The following POLK variants were observed in gnomAD, a reference collection of about 807,000 sequenced individuals.
POLK encodes the protein polymerase (DNA directed) kappa.
In POLK, 76 loss-of-function variants were observed where a neutral mutation model predicts 94.0. The observed-to-expected ratio is 0.81, with a 90% CI of 0.67 to 0.98. POLK has a LOEUF of 0.98. Ranked by LOEUF, POLK falls within the 50% of genes least tolerant of loss-of-function variation. The probability of loss-of-function intolerance (pLI) is 0.00; values close to 1 mark genes in which losing one functional copy is unlikely to be tolerated. For synonymous variants in POLK, 349 were observed against 325.4 expected, an observed-to-expected ratio of 1.07 and a Z score of -0.78; for missense variants, 954 against 1,010.1, an observed-to-expected ratio of 0.94 and a Z score of 0.75.
chr5:75,574,910 C>T (rs991764023), intron 5 of POLK, among the ~76,000 whole-genome samples: 2 of 152,162 alleles, frequency 1.3e-5, no homozygotes, highest in Non-Finnish European at 2.9e-5. Context: ...TTTAAAAATC[C>T]TACAAAAGTT....
At chr5:75,602,547 A>T (rs556225930), downstream of POLK, among the ~76,000 whole-genome samples, 1 of 152,304 alleles carries the variant, frequency 6.6e-6, no homozygotes, top group Admixed American at 6.5e-5. Context: ...AATTATTAGA[A>T]TTGTATTCAA....
chr5:75,557,956 T>A (rs1052274748), intron 3 of POLK, among the ~76,000 whole-genome samples: 5 of 152,098 alleles, frequency 3.3e-5, no homozygotes, highest in African/African-American at 1.2e-4. Context: ...GCCTGGCTAG[T>A]TTTTGTATTT....
chr5:75,589,434 C>CAT (rs1262784423), intron 10 of POLK, among the ~76,000 whole-genome samples: 105 of 143,642 alleles, frequency 7.3e-4, no homozygotes, highest in Middle Eastern at 3.5e-3. Flanking sequence ...CACACACACA[C>CAT]ACACGTGGAA....
intron 1 of POLK, among the ~76,000 whole-genome samples, chr5:75,546,697 G>T (rs1380108639): frequency 7.3e-6 from 1 of 137,836 alleles, no homozygotes; most frequent in African/African-American, 2.8e-5. Flanking sequence ...ACAAAGTCTC[G>T]CTCTGTCCCC....
intron 9 of POLK, among the ~76,000 whole-genome samples, chr5:75,586,720 C>A (rs1368923511): frequency 6.6e-6 from 1 of 152,038 alleles, no homozygotes; most frequent in Non-Finnish European, 1.5e-5. Context: ...GCTATCACTT[C>A]CTATTTGTTT....
chr5:75,536,798 G>A lies in POLK; in HGVS notation c.-13-10212G>A, dbSNP rs371915570. 7.2e-4 allele frequency among the ~76,000 whole-genome samples: 110 copies of A among 152,268 alleles called. 1 individual carries two copies. Among genetic ancestry groups the A allele is most frequent in the African/African-American group, 2.6e-3 (107 of 41,566 alleles). On this transcript the variant is annotated intron_variant, in intron 1 of 14. Coordinates refer to ENST00000241436, the Ensembl canonical transcript of POLK. ...GTGTTTACTGGGACAACAGGAAGCTGAGCCCTCCTGCTGAGTTCACACAGA... is the reference window on the plus strand; with the variant it reads ...GTGTTTACTGGGACAACAGGAAGCTAAGCCCTCCTGCTGAGTTCACACAGA...
intron 3 of POLK, among the ~76,000 whole-genome samples, chr5:75,565,568 C>T (rs563250004): frequency 2.6e-5 from 4 of 152,002 alleles, no homozygotes; most frequent in Admixed American, 6.6e-5. Flanking sequence ...GGCGTTTTTG[C>T]GTGGTTATCC....
chr5:75,581,585 C>T (rs1772196236), intron 7 of POLK, 137 bp downstream of exon 7: 1 of 726,982 alleles, frequency 1.4e-6, no homozygotes, highest in Non-Finnish European at 2.2e-6. Context: ...CTTCTAACAA[C>T]TTTACCTATT....
chr5:75,596,985 C>T (rs769716573), exon 13 of POLK: 2 of 1,613,778 alleles, frequency 1.2e-6, no homozygotes, highest in East Asian at 4.5e-5. Flanking sequence ...AAGAATACCG[C>T]CAGCCTTACT....
At chr5:75,582,201 T>C (rs1303398461) in intron 7 of POLK, 2 of 855,654 alleles carry the variant, frequency 2.3e-6, no homozygotes, top group Non-Finnish European at 2.8e-6. Flanking sequence ...AATTTACATA[T>C]GTTGATAACC....
chr5:75,563,494 G>A (rs1365603191), intron 3 of POLK, among the ~76,000 whole-genome samples: 16 of 152,108 alleles, frequency 1.1e-4, no homozygotes, highest in Admixed American at 8.5e-4. Flanking sequence ...ATGTTAGGGT[G>A]TTGATTTTAG....
chr5:75,538,629 T>A (rs1166295840), intron 1 of POLK: 1 of 152,214 alleles, frequency 6.6e-6, no homozygotes. Flanking sequence ...GGAAAACCTG[T>A]TAGACAAATT....
intron 1 of POLK, among the ~76,000 whole-genome samples, chr5:75,536,095 G>A (rs1395355527): frequency 6.6e-6 from 1 of 152,136 alleles, no homozygotes; most frequent in African/African-American, 2.4e-5. Flanking sequence ...AGTTTTTGAT[G>A]TTGCTGTCCT....
intron 10 of POLK, among the ~76,000 whole-genome samples, chr5:75,589,767 T>C (rs533862860): frequency 1.3e-4 from 20 of 152,212 alleles, no homozygotes; most frequent in Non-Finnish European, 2.8e-4. Flanking sequence ...GGTCTCTTTG[T>C]ATTATCCTCT....
chr5:75,515,930 G>A (rs963398906), intron 1 of POLK, among the ~76,000 whole-genome samples: 1 of 152,138 alleles, frequency 6.6e-6, no homozygotes, highest in African/African-American at 2.4e-5. Context: ...CATTTTGACT[G>A]GGGTAAGATG....
chr5:75,537,387 G>T (rs1769496052), intron 1 of POLK, among the ~76,000 whole-genome samples: 1 of 152,236 alleles, frequency 6.6e-6, no homozygotes, highest in African/African-American at 2.4e-5. Flanking sequence ...TGCGGTGTTG[G>T]TTAGGTTCTC....
chr5:75,592,315 A>AT (rs1581100161), intron 11 of POLK, among the ~76,000 whole-genome samples: 2 of 152,216 alleles, frequency 1.3e-5, no homozygotes, highest in Admixed American at 6.5e-5. Context: ...TTTTAGAAAG[A>AT]TTTTTTTCCT....
At position 75,537,908 on chromosome 5, in the gene POLK, G is replaced by C. The variant is rs187185134; in HGVS notation, c.-13-9102G>C. 7.4e-3 allele frequency among the ~76,000 whole-genome samples: 1,123 copies of C among 151,842 alleles called. 13 individuals carry two copies. Among genetic ancestry groups the C allele is most frequent in the African/African-American group, 0.024 (1,006 of 41,416 alleles). On this transcript the variant is annotated intron_variant, in intron 1 of 14. Coordinates refer to ENST00000241436, the Ensembl canonical transcript of POLK. ...GTCTTGCTCTGTCGCCCAGGTTGGA[G>C]TGCACTGGCGCAATCTCGGCTCACT...
At chr5:75,588,595 G>GT (rs1772593575) in intron 10 of POLK, among the ~76,000 whole-genome samples, 1 of 152,094 alleles carries the variant, frequency 6.6e-6, no homozygotes. Context: ...AGTACATTAG[G>GT]TTTTTTTATT....
Sources: allele counts gnomAD v4.1 joint callset (sites outside exome capture counted in the v4.1 genomes callset), GRCh38; gene constraint gnomAD v4.1.1; transcripts MANE v1.5; gene names NCBI Gene and HGNC (gene_info 2026-07-23, HGNC 2026-07-21).